Variants in CDX1 observed in about 807,000 individuals in gnomAD.
The protein encoded by CDX1 is caudal type homeobox 1.
Under a neutral mutation model 16.9 loss-of-function variants are expected in CDX1, and 9 were observed. The observed-to-expected ratio is 0.53, with a 90% CI of 0.32 to 0.93. CDX1 has a LOEUF of 0.93. Ranked by LOEUF, CDX1 falls within the 40% of genes least tolerant of loss-of-function variation. CDX1 has a pLI of 0.04. For synonymous variants in CDX1, 179 were observed against 179.0 expected (o/e 1.00, Z 0.00); for missense variants, 393 against 386.1 (o/e 1.02, Z -0.15).
rs1445537973 is a variant in CDX1 at position 150,167,053 on chromosome 5, G to A, written c.177G>A (p.Thr59=). ...SHVEPAPAPP[T]AWGAPFPAPK... ...TGGAGCCGGCCCCCGCGCCCCCGACGGCCTGGGGGGCGCCCTTCCCTGCGC... is the reference window on the plus strand; with the variant it reads ...TGGAGCCGGCCCCCGCGCCCCCGACAGCCTGGGGGGCGCCCTTCCCTGCGC... The change falls in exon 1 of 3, where the codon ACG becomes ACA. Residue 59 remains threonine (T), a synonymous_variant. Coordinates refer to ENST00000231656, the MANE Select transcript of CDX1 (RefSeq NM_001804.3). 6.1e-5 allele frequency: 87 copies of A among 1,425,736 alleles called. No individual in the cohort carries two copies. The highest frequency in any genetic ancestry group is 7.6e-5 in the Non-Finnish European group (83 of 1,095,268). 88.3% of individuals were successfully genotyped at this position (1,425,736 alleles called of 1,614,324 possible).
intron 1 of CDX1, among the ~76,000 whole-genome samples, chr5:150,179,706 C>T (rs1313935145): frequency 1.3e-5 from 2 of 152,200 alleles, no homozygotes; most frequent in African/African-American, 2.4e-5. Context: ...GGCCTGTCCT[C>T]CTGGGGGTGG....
intron 2 of CDX1, 45 bp from the exon 3 acceptor site, chr5:150,183,429 C>T (rs1221284707): frequency 1.3e-6 from 2 of 1,507,266 alleles, no homozygotes; most frequent in Non-Finnish European, 1.8e-6. Flanking sequence ...CTCTCTTTCA[C>T]TCTCTCCCTG....
intron 1 of CDX1, among the ~76,000 whole-genome samples, chr5:150,172,060 C>G (rs1286372982): frequency 2.0e-5 from 3 of 152,208 alleles, no homozygotes. Context: ...GCATTGCCCT[C>G]CCTTCCCTCT....
chr5:150,167,976 C>G (rs890194938), intron 1 of CDX1, among the ~76,000 whole-genome samples: 61 of 152,346 alleles, frequency 4.0e-4, no homozygotes, highest in African/African-American at 7.0e-4. Flanking sequence ...CTGTGAACCT[C>G]CTGCCCCCAG....
At chr5:150,180,025 C>A (rs1475711850) in intron 1 of CDX1, among the ~76,000 whole-genome samples, 1 of 152,236 alleles carries the variant, frequency 6.6e-6, no homozygotes, top group Admixed American at 6.5e-5. Context: ...AAGGGCTCAC[C>A]AGGCCTCTTC....
rs553534476 is a variant in CDX1 at position 150,170,296 on chromosome 5, G to A, written c.445+2975G>A. ...GTGGACTCCCCACTACACCCATCAC[G>A]AATCTTTGCTGTGTTTCCTTCAGAG... On this transcript the variant is annotated intron_variant, in intron 1 of 2. Transcript: ENST00000231656. 3.9e-5 allele frequency among the ~76,000 whole-genome samples: 6 copies of A among 152,242 alleles called. No individual in the cohort carries two copies. In the East Asian group the frequency reaches 9.7e-4, roughly 25 times the overall value.
chr5:150,183,803 A>G lies in CDX1; in HGVS notation c.*123A>G. ...ACCTTCTGGGACATGGTGGACAGTC[A>G]CCTATCCACCCTCTGCATCCCCTTG... is the stretch of plus-strand genomic sequence containing the variant. On this transcript the variant is annotated 3_prime_UTR_variant, in exon 3 of 3. Coordinates refer to ENST00000231656, the MANE Select transcript of CDX1 (RefSeq NM_001804.3). 1.4e-6 allele frequency: 1 copy of G among 716,308 alleles called. No individual in the cohort carries two copies. The highest frequency in any genetic ancestry group is 2.2e-6 in the Non-Finnish European group (1 of 450,290). 44.4% of individuals were successfully genotyped at this position (716,308 alleles called of 1,614,324 possible).
chr5:150,174,319 G>A (rs1014084012), intron 1 of CDX1, among the ~76,000 whole-genome samples: 1 of 152,226 alleles, frequency 6.6e-6, no homozygotes, highest in Non-Finnish European at 1.5e-5. Flanking sequence ...CAAGTTCTTC[G>A]GCCTCAGAGA....
At chr5:150,171,459 C>T (rs975263133) in intron 1 of CDX1, among the ~76,000 whole-genome samples, 1 of 152,194 alleles carries the variant, frequency 6.6e-6, no homozygotes, top group African/African-American at 2.4e-5. Context: ...CCTCAGCTTC[C>T]CCAGCAGCTG....
At chr5:150,174,444 G>A (rs913981867) in intron 1 of CDX1, among the ~76,000 whole-genome samples, 1 of 152,224 alleles carries the variant, frequency 6.6e-6, no homozygotes, top group Non-Finnish European at 1.5e-5. Flanking sequence ...GCAAGAACTG[G>A]CTGCTTTGCA....
intron 1 of CDX1, among the ~76,000 whole-genome samples, chr5:150,171,219 C>G (rs1472797399): frequency 6.6e-6 from 1 of 152,252 alleles, no homozygotes; most frequent in Non-Finnish European, 1.5e-5. Context: ...CCTTTCTGTA[C>G]TGCTCCAGCT....
intron 1 of CDX1, among the ~76,000 whole-genome samples, chr5:150,172,201 T>C (rs1315919569): frequency 6.6e-6 from 1 of 152,236 alleles, no homozygotes; most frequent in East Asian, 1.9e-4. Context: ...GCCTGTCTAC[T>C]TTCATTGTCT....
Position 150,166,945 on chromosome 5 carries a change from C to A in CDX1, c.69C>A (p.Leu23=). Reference sequence around the variant, plus strand: ...CCGGCCCAGCCAGGCCAGCCAGCCTCGGCCTGGGCCCGCAAGCCTACGGCC... The same window carrying A: ...CCGGCCCAGCCAGGCCAGCCAGCCTAGGCCTGGGCCCGCAAGCCTACGGCC... ...VYPGPARPAS[L]GLGPQAYGPP... is the part of the protein sequence containing the mutation. Residue 23 remains leucine, a synonymous_variant, in exon 1 of 3, where the codon CTC becomes CTA. Transcript: ENST00000231656. 6.7e-7 allele frequency: 1 copy of A among 1,499,530 alleles called. No homozygotes were observed. The highest frequency in any genetic ancestry group is 8.8e-7 in the Non-Finnish European group (1 of 1,131,620). 92.9% of individuals were successfully genotyped at this position (1,499,530 alleles called of 1,614,324 possible). A position where few individuals can be genotyped will look rare whatever the true frequency, so the allele number is the denominator to read the frequency against.
At chr5:150,176,348 C>A (rs1471776498) in intron 1 of CDX1, among the ~76,000 whole-genome samples, 2 of 152,246 alleles carry the variant, frequency 1.3e-5, no homozygotes, top group Non-Finnish European at 2.9e-5. Flanking sequence ...AAAGGGGGCT[C>A]TTTGCAGTAG....
Position 150,183,551 on chromosome 5 carries a change from A to G in CDX1, c.669A>G (p.Pro223=), listed in dbSNP as rs748821004. The part of the protein sequence containing the change: ...NKKKQQQQQP[P]QPPMAHDITA... Reference sequence around the variant, plus strand: ...AGAAACAGCAGCAGCAACAGCCCCCACAGCCGCCGATGGCCCACGACATCA... The same window carrying G: ...AGAAACAGCAGCAGCAACAGCCCCCGCAGCCGCCGATGGCCCACGACATCA... Residue 223 remains proline, a synonymous_variant, in exon 3 of 3, where the codon CCA becomes CCG. Transcript: ENST00000231656. 1 of 1,612,382 alleles carries G rather than the reference A, an allele frequency of 6.2e-7. No homozygotes were observed. The highest frequency in any genetic ancestry group is 8.5e-7 in the Non-Finnish European group (1 of 1,178,950).
chr5:150,170,170 A>G (rs2113948194), intron 1 of CDX1, among the ~76,000 whole-genome samples: 1 of 152,274 alleles, frequency 6.6e-6, no homozygotes, highest in South Asian at 2.1e-4. Context: ...TCTTCCAGGA[A>G]AGCTCTTTCC....
chr5:150,181,086 A>G (rs1752403667), intron 1 of CDX1, among the ~76,000 whole-genome samples: 1 of 152,176 alleles, frequency 6.6e-6, no homozygotes, highest in Non-Finnish European at 1.5e-5. Flanking sequence ...AGGAAAACCC[A>G]GAGTCCCTCC....
intron 1 of CDX1, among the ~76,000 whole-genome samples, chr5:150,176,510 G>A (rs1482536123): frequency 6.6e-6 from 1 of 152,190 alleles, no homozygotes; most frequent in Non-Finnish European, 1.5e-5. Context: ...TGAGGGACTT[G>A]GCTGGAGGGC....
At chr5:150,182,738 C>T in intron 1 of CDX1, 30 bp from the exon 2 acceptor site, 2 of 1,531,698 alleles carry the variant, frequency 1.3e-6, no homozygotes, top group Non-Finnish European at 8.8e-7. Flanking sequence ...TCTCAACTCA[C>T]CTTCCTTCCC....
Sources: allele counts gnomAD v4.1 joint callset (sites outside exome capture counted in the v4.1 genomes callset), GRCh38; gene constraint gnomAD v4.1.1; transcripts MANE v1.5; gene names NCBI Gene and HGNC (gene_info 2026-07-23, HGNC 2026-07-21).